The following TMC5 variants were observed in gnomAD, a reference collection of about 807,000 sequenced individuals.
TMC5 encodes the protein transmembrane channel like 5, also known as transmembrane channel-like protein 5.
TMC5 carries 86 observed loss-of-function variants against 110.5 expected under a neutral mutation model. The ratio of observed to expected loss-of-function variants is 0.78; its 90% CI spans 0.65 to 0.93. The LOEUF is 0.93. Among genes scored for constraint, TMC5 ranks in the 40% least tolerant of loss-of-function variants. The probability of loss-of-function intolerance (pLI) is 0.00; values close to 1 mark genes in which losing one functional copy is unlikely to be tolerated. For synonymous variants in TMC5, 455 were observed against 439.5 expected (o/e 1.04, Z -0.44); for missense variants, 1,144 against 1,222.8 (o/e 0.94, Z 0.96).
intron 1 of TMC5, among the ~76,000 whole-genome samples, chr16:19,429,842 G>A (rs1178660231): frequency 6.6e-6 from 1 of 151,902 alleles, no homozygotes; most frequent in African/African-American, 2.4e-5. Flanking sequence ...ATTACGGCGG[G>A]AATCACTGTG....
chr16:19,478,408 C>T (rs1008942131), intron 13 of TMC5, among the ~76,000 whole-genome samples: 1 of 152,206 alleles, frequency 6.6e-6, no homozygotes, highest in African/African-American at 2.4e-5. Flanking sequence ...TCAAAATCAG[C>T]CCTCCAAGTT....
At chr16:19,445,968 C>G (rs1428115807) in intron 4 of TMC5, among the ~76,000 whole-genome samples, 4 of 151,294 alleles carry the variant, frequency 2.6e-5, no homozygotes, top group African/African-American at 9.7e-5. Flanking sequence ...TGAGCCATGA[C>G]TGTACCACTG....
intron 10 of TMC5, among the ~76,000 whole-genome samples, chr16:19,470,527 T>A (rs1968310951): frequency 6.6e-6 from 1 of 151,960 alleles, no homozygotes; most frequent in African/African-American, 2.4e-5. Context: ...GGGGGACATT[T>A]GACAACCTCT....
chr16:19,442,427 C>A (rs1190044240), intron 3 of TMC5, among the ~76,000 whole-genome samples: 3 of 149,604 alleles, frequency 2.0e-5, no homozygotes, highest in Non-Finnish European at 4.4e-5. Flanking sequence ...CTCTTAGGTT[C>A]AAGTGATTCT....
At chr16:19,497,222 A>T in intron 21 of TMC5, 59 bp downstream of exon 21, 2 of 1,548,242 alleles carry the variant, frequency 1.3e-6, no homozygotes, top group Non-Finnish European at 1.8e-6. Flanking sequence ...AAATATCCTA[A>T]GACAAGTGTA....
intron 2 of TMC5, among the ~76,000 whole-genome samples, chr16:19,433,509 T>G (rs1393215073): frequency 6.6e-6 from 1 of 152,188 alleles, no homozygotes; most frequent in Non-Finnish European, 1.5e-5. Context: ...AGCTTCTGAG[T>G]GCTTTGTTTG....
chr16:19,479,571 A>G (rs767830227), intron 14 of TMC5, 43 bp downstream of exon 14: 14 of 1,387,646 alleles, frequency 1.0e-5, no homozygotes, highest in Non-Finnish European at 5.1e-6. Flanking sequence ...CTGATGCTGT[A>G]AACAGAACCT....
Position 19,474,285 on chromosome 16 carries a change from T to A in TMC5, c.2090+9T>A, listed in dbSNP as rs1002800669. ...TACGTTCTCCTGATCCGGTAGGTGATGTGTCGCGCCCAACACCAGCCTCTA... is the reference window on the plus strand; with the variant it reads ...TACGTTCTCCTGATCCGGTAGGTGAAGTGTCGCGCCCAACACCAGCCTCTA... On this transcript the variant is annotated intron_variant, in intron 12 of 21. Coordinates refer to ENST00000542583, the MANE Select transcript of TMC5 (RefSeq NM_001261841.2). 6 of 1,612,834 alleles carry A rather than the reference T, an allele frequency of 3.7e-6. No individual in the cohort carries two copies. The African/African-American group carries it at 5.3e-5, about 14-fold the overall frequency.
intron 1 of TMC5, among the ~76,000 whole-genome samples, chr16:19,421,812 G>A (rs561301126): frequency 1.3e-5 from 2 of 152,370 alleles, no homozygotes; most frequent in Non-Finnish European, 2.9e-5. Flanking sequence ...TGAGCCAGGT[G>A]TGGTTGGCAT....
intron 4 of TMC5, among the ~76,000 whole-genome samples, chr16:19,448,763 C>T (rs1054811037): frequency 4.4e-5 from 6 of 137,430 alleles, no homozygotes; most frequent in African/African-American, 1.7e-4. Flanking sequence ...TTACATGTAA[C>T]ATATAAAAAT....
chr16:19,456,381 CTTCT>C, intron 5 of TMC5: 1 of 874,794 alleles, frequency 1.1e-6, no homozygotes, highest in Non-Finnish European at 1.4e-6. Context: ...AAATATCTTC[CTTCT>C]GTTTCTAGAA....
chr16:19,434,398 A>ATCATATATATCTATATATAATATG lies in TMC5; in HGVS notation c.-80+3759_-80+3760insCATATATATCTATATATAATATGT, dbSNP rs1567300696. ...GATCTATATATAATATAGATATAATATATATATCATATATATCTATATATA... is the reference window on the plus strand; with the variant it reads ...GATCTATATATAATATAGATATAATATCATATATATCTATATATAATATGTATATATCATATATATCTATATATA... On this transcript the variant is annotated intron_variant, in intron 2 of 21. Coordinates refer to ENST00000542583, the MANE Select transcript of TMC5 (RefSeq NM_001261841.2). Among the ~76,000 whole-genome samples, 64 of 41,766 alleles carry ATCATATATATCTATATATAATATG rather than the reference A, an allele frequency of 1.5e-3. 2 individuals carry two copies. The highest frequency in any genetic ancestry group is 0.02 in the Middle Eastern group (1 of 50). The allele number at this position is 41,766 out of a possible 152,430, so 27.4% of individuals were successfully genotyped here.
intron 17 of TMC5, among the ~76,000 whole-genome samples, chr16:19,489,753 G>A (rs140034124): frequency 3.7e-3 from 553 of 151,128 alleles, no homozygotes; most frequent in Non-Finnish European, 6.4e-3. Context: ...TCAAAGTGCT[G>A]GAATTGCAGG....
intron 2 of TMC5, among the ~76,000 whole-genome samples, chr16:19,434,754 A>AT (rs1393333237): frequency 1.3e-5 from 2 of 152,160 alleles, no homozygotes; most frequent in Non-Finnish European, 2.9e-5. Context: ...AATAGCTTCC[A>AT]TTCAGTGACT....
intron 11 of TMC5, among the ~76,000 whole-genome samples, chr16:19,473,348 A>C (rs1211637587): frequency 1.2e-5 from 1 of 82,512 alleles, no homozygotes; most frequent in African/African-American, 9.1e-5. Context: ...TCCGGCTCAA[A>C]AAAAAAAAAA....
Position 19,462,623 on chromosome 16 carries a change from G to A in TMC5, c.1149-657G>A, listed in dbSNP as rs186370714. 4,638 of 671,938 alleles carry A rather than the reference G, an allele frequency of 6.9e-3. 41 individuals are homozygous for A. The highest frequency in any genetic ancestry group is 0.026 in the Middle Eastern group (75 of 2,912). 41.6% of individuals were successfully genotyped at this position (671,938 alleles called of 1,614,324 possible). On this transcript the variant is annotated intron_variant, in intron 6 of 21. Coordinates refer to ENST00000542583, the MANE Select transcript of TMC5 (RefSeq NM_001261841.2). ...CTTTATAAAACCATCAGATCGGCTG[G>A]GTGTGGTGGCTCATGCCTGTAATCC...
At chr16:19,493,467 T>TCTCTC (rs1567329417) in intron 19 of TMC5, among the ~76,000 whole-genome samples, 2 of 15,970 alleles carry the variant, frequency 1.3e-4, no homozygotes, top group African/African-American at 3.1e-4. Flanking sequence ...CTCTCTCTCT[T>TCTCTC]TTTTTTTTTT....
chr16:19,429,471 A>C (rs964436280), intron 1 of TMC5, among the ~76,000 whole-genome samples: 1 of 152,234 alleles, frequency 6.6e-6, no homozygotes, highest in Non-Finnish European at 1.5e-5. Context: ...TAATCATTAC[A>C]CTAATACACA....
chr16:19,465,887 A>C (rs1170654935), intron 8 of TMC5, among the ~76,000 whole-genome samples, 195 bp from the exon 9 acceptor site: 1 of 152,192 alleles, frequency 6.6e-6, no homozygotes, highest in Admixed American at 6.5e-5. Flanking sequence ...GTAAAGTTAC[A>C]CTGGATTTCT....
Sources: gnomAD v4.1 joint callset for allele counts (sites outside exome capture counted in the v4.1 genomes callset) on GRCh38, gnomAD v4.1.1 for gene constraint, MANE v1.5 for transcripts, NCBI Gene and HGNC (gene_info 2026-07-23, HGNC 2026-07-21) for gene names.